Variants in NOP14 observed in about 807,000 individuals in gnomAD.
The protein encoded by NOP14 is NOP14 nucleolar protein.
In NOP14, 57 loss-of-function variants were observed where a neutral mutation model predicts 101.6. The observed-to-expected ratio is 0.56, with a 90% CI of 0.45 to 0.70. NOP14 has a LOEUF of 0.70. Ranked by LOEUF, NOP14 falls within the 30% of genes least tolerant of loss-of-function variation. The pLI is 0.00. For synonymous variants in NOP14, 428 were observed against 424.0 expected, an observed-to-expected ratio of 1.01 and a Z score of -0.12; for missense variants, 1,134 against 1,075.5, an observed-to-expected ratio of 1.05 and a Z score of -0.76.
At chr4:2,950,478 T>C in intron 7 of NOP14, 1 of 525,098 alleles carries the variant, frequency 1.9e-6, no homozygotes, top group Non-Finnish European at 3.4e-6. Context: ...GGGAGCAGCA[T>C]GGGACTGGGA....
chr4:2,955,083 C>A (rs1221410246), intron 3 of NOP14, among the ~76,000 whole-genome samples: 1 of 146,308 alleles, frequency 6.8e-6, no homozygotes, highest in Non-Finnish European at 1.5e-5. Context: ...TCCCTCTAGT[C>A]ACCTGCGCCA....
Position 2,938,640 on chromosome 4 carries a change from G to C in NOP14, c.*191C>G, listed in dbSNP as rs977498041. The C allele has an allele frequency of 1.7e-6, 1 of 578,302 alleles. No homozygotes were observed. Among genetic ancestry groups the C allele is most frequent in the Non-Finnish European group, 3.1e-6 (1 of 327,002 alleles). 35.8% of individuals were successfully genotyped at this position (578,302 alleles called of 1,614,324 possible). ...CCTGCTTCAGCCTCCCGAGTAGTTG[G>C]GACTACAGGTGCGTGCCACCACACT... is the stretch of plus-strand genomic sequence containing the variant. On this transcript the variant is annotated 3_prime_UTR_variant, in exon 18 of 18. Transcript: ENST00000416614.
At chr4:2,946,810 T>G (rs1397597178) in intron 10 of NOP14, 1 of 483,136 alleles carries the variant, frequency 2.1e-6, no homozygotes, top group Non-Finnish European at 3.7e-6. Context: ...CCACTCTGTG[T>G]GGCAGCTGCA....
At chr4:2,962,679 A>G (rs1365842937) in intron 1 of NOP14, among the ~76,000 whole-genome samples, 1 of 152,174 alleles carries the variant, frequency 6.6e-6, no homozygotes, top group African/African-American at 2.4e-5. Context: ...AAAAAGTTAA[A>G]AAAACTAGGA....
rs373247234 is a variant in NOP14, at chr4:2,942,244, G to A, written c.1999C>T (p.Arg667Cys). The change falls in exon 14 of 18, where the codon CGC (arginine) becomes TGC (cysteine). Residue 667 changes from arginine to cysteine, a missense_variant. Transcript: ENST00000416614. ...ATWQQSSLSL[R>C]WASRLRAPTS... ...GGGGCCCTCAGTCTACTCGCCCAGC[G>A]GAGGGAGAGGCTGCTCTGCTGCCAC... 1.1e-5 allele frequency: 17 copies of A among 1,614,012 alleles called. No homozygotes were observed. The African/African-American group carries it at 1.1e-4, about 10-fold the overall frequency.
rs1362937344 is a variant in NOP14 at position 2,953,360 on chromosome 4, C to T, written c.747+151G>A. ...TGAATCTACTTCCACCCCAAGATTA[C>T]ACACAGCAGGTAATTCAGTATCAAT... is the stretch of plus-strand genomic sequence containing the variant. On this transcript the variant is annotated intron_variant, in intron 5 of 17. Coordinates refer to ENST00000416614, the MANE Select transcript of NOP14 (RefSeq NM_001291978.2). The T allele has an allele frequency of 7.7e-6, 6 of 776,128 alleles. No homozygotes were observed. The East Asian group carries it at 1.5e-4, about 20-fold the overall frequency. The allele number at this position is 776,128 out of a possible 1,614,324, so 48.1% of individuals were successfully genotyped here.
Position 2,951,210 on chromosome 4 carries a change from C to T in NOP14, c.906G>A (p.Glu302=). Residue 302 remains glutamate, a synonymous_variant, in exon 7 of 18, where the codon GAG becomes GAA. Coordinates refer to ENST00000416614, the MANE Select transcript of NOP14 (RefSeq NM_001291978.2). The part of the protein sequence containing the change: ...ERLRRMLGKD[E]DENVKKPKHM... ...GTTTTGGTTTCTTAACATTTTCATCCTCATCCTTTCCAAGCATTCTTCGAA... is the reference window on the plus strand; with the variant it reads ...GTTTTGGTTTCTTAACATTTTCATCTTCATCCTTTCCAAGCATTCTTCGAA... 1 of 1,613,798 alleles carries T rather than the reference C, an allele frequency of 6.2e-7. No individual in the cohort carries two copies. The highest frequency in any genetic ancestry group is 1.3e-5 in the African/African-American group (1 of 75,022).
chr4:2,952,455 A>G (rs1715093252), intron 5 of NOP14, 58 bp from the exon 6 acceptor site: 2 of 1,443,164 alleles, frequency 1.4e-6, no homozygotes, highest in South Asian at 1.4e-5. Flanking sequence ...TTATTTTACA[A>G]AAAGAAAAGA....
chr4:2,960,831 TATTAATATTATA>T (rs1214369877), intron 1 of NOP14, among the ~76,000 whole-genome samples: 5 of 126,264 alleles, frequency 4.0e-5, no homozygotes, highest in African/African-American at 1.6e-4. Flanking sequence ...ATTATCAATA[TATTAATATTATA>T]ATCACATTAT....
At chr4:2,954,727 T>C (rs780729239) in intron 3 of NOP14, among the ~76,000 whole-genome samples, 164 bp from the exon 4 acceptor site, 27 of 152,166 alleles carry the variant, frequency 1.8e-4, no homozygotes, top group Non-Finnish European at 3.7e-4. Flanking sequence ...ACAGGCACAA[T>C]GGCACTTGAG....
chr4:2,945,077 G>C (rs1229048722), intron 12 of NOP14, 51 bp downstream of exon 12: 1 of 1,341,840 alleles, frequency 7.5e-7, no homozygotes, highest in African/African-American at 1.5e-5. Context: ...TGTGGCTCCG[G>C]CCACCCGTGG....
In NOP14 at chr4:2,950,150, C is replaced by G; in HGVS notation, c.1066G>C (p.Glu356Gln). The change falls in exon 8 of 18, where the codon GAG becomes CAG. Residue 356 changes from glutamate (E) to glutamine (Q), a missense_variant. Transcript: ENST00000416614. ...CTGTCACCTTCTTCCTCGTTGCTCT[C>G]AGGGTCACTGGCTTCCTTGCTTTGC... ...EEQSKEASDP[E>Q]SNEEEGDSSG... 6.2e-7 allele frequency: 1 copy of G among 1,614,208 alleles called. No homozygotes were observed.
intron 9 of NOP14, among the ~76,000 whole-genome samples, chr4:2,947,988 C>T (rs566615320): frequency 1.8e-4 from 27 of 152,362 alleles, no homozygotes; most frequent in Admixed American, 8.5e-4. Context: ...CTCTGCCACA[C>T]GCTGGCTATG....
Position 2,939,635 on chromosome 4 carries a change from T to C in NOP14, c.2210A>G (p.Gln737Arg). 1 of 1,613,386 alleles carries C rather than the reference T, an allele frequency of 6.2e-7. No individual in the cohort carries two copies. Among genetic ancestry groups the C allele is most frequent in the African/African-American group, 1.3e-5 (1 of 75,056 alleles). The change falls in exon 16 of 18, where the codon CAG becomes CGG. Residue 737 changes from glutamine (Q) to arginine (R), a missense_variant. Physicochemically the swap from Gln to Arg is conservative, Grantham distance 43. Transcript: ENST00000416614. ...GCTTTCCATTTCGGTCAGTGTGCTC[T>C]GACACAGCTCCTGAAAAACACGAAA... ...SHPQELQELC[Q>R]STLTEMESQK...
intron 8 of NOP14, among the ~76,000 whole-genome samples, chr4:2,949,609 C>T (rs1238526696): frequency 6.6e-6 from 1 of 152,184 alleles, no homozygotes; most frequent in African/African-American, 2.4e-5. Flanking sequence ...AGCCTTCTCG[C>T]AGATGCTCAC....
chr4:2,959,204 G>A (rs1410975631), intron 1 of NOP14, among the ~76,000 whole-genome samples: 1 of 152,226 alleles, frequency 6.6e-6, no homozygotes, highest in African/African-American at 2.4e-5. Context: ...AATATTTCAA[G>A]AACCAATTTG....
intron 5 of NOP14, among the ~76,000 whole-genome samples, chr4:2,952,936 G>A (rs972105673): frequency 4.6e-5 from 7 of 152,222 alleles, no homozygotes; most frequent in Admixed American, 2.0e-4. Context: ...GCGAGACTCC[G>A]TCTCAAACAA....
chr4:2,957,791 T>C, intron 1 of NOP14, 51 bp from the exon 2 acceptor site: 1 of 1,596,396 alleles, frequency 6.3e-7, no homozygotes, highest in Non-Finnish European at 8.6e-7. Flanking sequence ...TGATTTCCAC[T>C]ACAGGGGACA....
intron 15 of NOP14, chr4:2,940,536 G>A (rs1714081517): frequency 6.6e-6 from 1 of 152,298 alleles, no homozygotes; most frequent in Admixed American, 6.5e-5. Context: ...TACAGGATAA[G>A]GGGCAGGGCT....
Sources: gnomAD v4.1 joint callset for allele counts (sites outside exome capture counted in the v4.1 genomes callset) on GRCh38, gnomAD v4.1.1 for gene constraint, MANE v1.5 for transcripts, NCBI Gene and HGNC (gene_info 2026-07-23, HGNC 2026-07-21) for gene names.